Variants in EPHA3 observed in about 807,000 individuals in gnomAD.
EPHA3 encodes the protein ephrin type-A receptor 3.
In EPHA3, 42 loss-of-function variants were observed where a neutral mutation model predicts 107.1. That is an observed-to-expected ratio of 0.39 (90% CI 0.31 to 0.51). The LOEUF (loss-of-function observed/expected upper bound fraction) is 0.51. Ranked by LOEUF, EPHA3 falls within the 20% of genes least tolerant of loss-of-function variation. The pLI is 0.78. For missense variants in EPHA3, 1,183 were observed against 1,211.2 expected (o/e 0.98, Z 0.35); for synonymous variants, 461 against 424.8 (o/e 1.09, Z -1.05).
At chr3:89,213,613 C>T (rs1235826760) in intron 3 of EPHA3, among the ~76,000 whole-genome samples, 2 of 151,902 alleles carry the variant, frequency 1.3e-5, no homozygotes, top group Non-Finnish European at 2.9e-5. Context: ...TTTTACGGTA[C>T]CAAAGATCAT....
intron 13 of EPHA3, among the ~76,000 whole-genome samples, chr3:89,443,174 G>A (rs1040739584): frequency 6.6e-6 from 1 of 152,084 alleles, no homozygotes; most frequent in African/African-American, 2.4e-5. Flanking sequence ...TTAATTAATT[G>A]TATTTTTAGG....
intron 15 of EPHA3, among the ~76,000 whole-genome samples, chr3:89,453,583 A>G (rs1347201529): frequency 6.6e-6 from 1 of 152,200 alleles, no homozygotes; most frequent in Non-Finnish European, 1.5e-5. Flanking sequence ...ATTTTTACTT[A>G]TTACCATTAA....
At chr3:89,416,933 A>G (rs569318549) in intron 10 of EPHA3, among the ~76,000 whole-genome samples, 1 of 151,600 alleles carries the variant, frequency 6.6e-6, no homozygotes, top group African/African-American at 2.4e-5. Flanking sequence ...TATCGCCATC[A>G]TTACCATAAC....
chr3:89,197,410 T>TA lies in EPHA3; in HGVS notation c.154-12441dup, dbSNP rs11317118. Among the ~76,000 whole-genome samples, 7 of 150,662 alleles carry TA rather than the reference T, an allele frequency of 4.6e-5. No individual in the cohort carries two copies. The South Asian group carries it at 6.3e-4, about 13-fold the overall frequency. On this transcript the variant is annotated intron_variant, in intron 2 of 16. Coordinates refer to ENST00000336596, the MANE Select transcript of EPHA3 (RefSeq NM_005233.6). ...TACTGCCTGGTATGAAATAAAAACA[T>TA]AAAAAAAAACATAAAAACATAAAAA...
intron 3 of EPHA3, among the ~76,000 whole-genome samples, chr3:89,236,857 A>T (rs1704777351): frequency 6.6e-6 from 1 of 152,198 alleles, no homozygotes; most frequent in South Asian, 2.1e-4. Context: ...TTAGAATATC[A>T]ATAGCCCAGT....
intron 3 of EPHA3, among the ~76,000 whole-genome samples, chr3:89,241,175 C>T (rs1559615235): frequency 6.6e-6 from 1 of 151,790 alleles, no homozygotes; most frequent in African/African-American, 2.4e-5. Flanking sequence ...TAATGTCTCT[C>T]CTATTTGATT....
chr3:89,149,052 C>A (rs932999036), intron 2 of EPHA3, among the ~76,000 whole-genome samples: 1 of 151,858 alleles, frequency 6.6e-6, no homozygotes, highest in African/African-American at 2.4e-5. Flanking sequence ...GATTATAGTT[C>A]TTCAAAAGAG....
Position 89,479,739 on chromosome 3 carries a change from G to A in EPHA3, c.*237G>A. The A allele has an allele frequency of 2.3e-6, 1 of 435,418 alleles. No homozygotes were observed. Among genetic ancestry groups the A allele is most frequent in the Non-Finnish European group, 4.1e-6 (1 of 242,792 alleles). 27.0% of individuals were successfully genotyped at this position (435,418 alleles called of 1,614,324 possible). ...ATTGCTTTTTTAAATATTAGTTAAT[G>A]GATTAAATTTAATTCTTCAGCGTAA... On this transcript the variant is annotated 3_prime_UTR_variant, in exon 17 of 17. Coordinates refer to ENST00000336596, the MANE Select transcript of EPHA3 (RefSeq NM_005233.6).
At chr3:89,349,639 G>T (rs1410938974) in intron 5 of EPHA3, among the ~76,000 whole-genome samples, 32 of 130,876 alleles carry the variant, frequency 2.4e-4, no homozygotes, top group Admixed American at 5.5e-4. Flanking sequence ...ATTGTTATGT[G>T]TGAATTTGAT....
rs577082445 is a variant in EPHA3, at chr3:89,211,161, C to A, written c.814+641C>A. Among the ~76,000 whole-genome samples the A allele has an allele frequency of 8.4e-4, 128 of 152,108 alleles. 2 individuals carry two copies. The South Asian group carries it at 0.015, about 17-fold the overall frequency. On this transcript the variant is annotated intron_variant, in intron 3 of 16. Coordinates refer to ENST00000336596, the MANE Select transcript of EPHA3 (RefSeq NM_005233.6). ...TTTAGTGCTCAAAAATTATTTGTAT[C>A]ATCCGTTAGGCTTGAATGCATATTT...
Position 89,408,094 on chromosome 3 carries a change from G to A in EPHA3, c.1725G>A (p.Gly575=). 1 of 1,612,782 alleles carries A rather than the reference G, an allele frequency of 6.2e-7. No homozygotes were observed. The highest frequency in any genetic ancestry group is 1.7e-4 in the Middle Eastern group (1 of 6,046). ...GRFCGYKSKH[G]ADEKRLHFGN... is the part of the protein sequence containing the mutation. The stretch of plus-strand genomic sequence containing the variant: ...TCTGTGGCTATAAGTCAAAACATGG[G>A]GCAGATGAAAAAAGACTTCATTTTG... Residue 575 remains glycine, a synonymous_variant, in exon 9 of 17, where the codon GGG becomes GGA. Coordinates refer to ENST00000336596, the MANE Select transcript of EPHA3 (RefSeq NM_005233.6).
chr3:89,164,113 A>G (rs1705007559), intron 2 of EPHA3, among the ~76,000 whole-genome samples: 1 of 152,198 alleles, frequency 6.6e-6, no homozygotes, highest in Admixed American at 6.5e-5. Context: ...AAAGGAGTAG[A>G]GAAGACTAAT....
intron 2 of EPHA3, among the ~76,000 whole-genome samples, chr3:89,201,154 A>T (rs1177695650): frequency 6.6e-6 from 1 of 152,200 alleles, no homozygotes. Flanking sequence ...GGAAGCCAGC[A>T]TATCCTACAT....
intron 3 of EPHA3, among the ~76,000 whole-genome samples, chr3:89,331,291 GT>G (rs1398406815): frequency 2.0e-5 from 3 of 152,112 alleles, no homozygotes; most frequent in African/African-American, 7.2e-5. Context: ...AAGTGATCAA[GT>G]TAATGTTTGA....
At chr3:89,270,886 T>C (rs1288859280) in intron 3 of EPHA3, among the ~76,000 whole-genome samples, 1 of 151,938 alleles carries the variant, frequency 6.6e-6, no homozygotes, top group Non-Finnish European at 1.5e-5. Context: ...GAAGAAAAAA[T>C]ATATTTGCTG....
intron 13 of EPHA3, among the ~76,000 whole-genome samples, chr3:89,440,223 A>G (rs556449536): frequency 1.9e-3 from 286 of 152,322 alleles, no homozygotes; most frequent in African/African-American, 6.7e-3. Context: ...TCTTTTAGCC[A>G]AATAATTTAT....
At chr3:89,381,895 G>A (rs1708516955) in intron 5 of EPHA3, among the ~76,000 whole-genome samples, 1 of 152,062 alleles carries the variant, frequency 6.6e-6, no homozygotes, top group African/African-American at 2.4e-5. Flanking sequence ...TCTTGAACTT[G>A]CCAGTCTCCA....
intron 2 of EPHA3, among the ~76,000 whole-genome samples, chr3:89,191,997 C>G (rs1305124257): frequency 6.6e-6 from 1 of 152,140 alleles, no homozygotes; most frequent in South Asian, 2.1e-4. Flanking sequence ...TCCTTTGTCT[C>G]GCCCTAGTGT....
chr3:89,342,799 A>G (rs1295710153), intron 5 of EPHA3, among the ~76,000 whole-genome samples: 2 of 152,158 alleles, frequency 1.3e-5, no homozygotes, highest in Non-Finnish European at 2.9e-5. Flanking sequence ...AAAATGTCAG[A>G]ATTAGGTATA....
Sources: allele counts gnomAD v4.1 joint callset (sites outside exome capture counted in the v4.1 genomes callset), GRCh38; gene constraint gnomAD v4.1.1; transcripts MANE v1.5; gene names NCBI Gene and HGNC (gene_info 2026-07-23, HGNC 2026-07-21).